Variants in BCL7A observed in about 807,000 individuals in gnomAD.
The protein encoded by BCL7A is BAF chromatin remodeling complex subunit BCL7A.
BCL7A carries 11 observed loss-of-function variants against 28.4 expected under a neutral mutation model. That is an observed-to-expected ratio of 0.39 (90% confidence interval 0.24 to 0.64). The LOEUF is 0.64. Among genes scored for constraint, BCL7A ranks in the 30% least tolerant of loss-of-function variants. The pLI is 0.50. For missense variants in BCL7A, 222 were observed against 274.8 expected, an observed-to-expected ratio of 0.81 and a Z score of 1.36; for synonymous variants, 123 against 103.3, an observed-to-expected ratio of 1.19 and a Z score of -1.15.
rs34244407 is a variant in BCL7A, at chr12:122,051,866, C to CTTTTTTTT, written c.440-2921_440-2914dup. ...ACAATAACATGATTTCTCTCTCTCT[C>CTTTTTTTT]TTTTTTTTTTTTTTTTTTTTTTTTT... On this transcript the variant is annotated intron_variant, in intron 4 of 5. Coordinates refer to ENST00000261822, the MANE Select transcript of BCL7A (RefSeq NM_001024808.3). Among the ~76,000 whole-genome samples, 8 of 80,304 alleles carry CTTTTTTTT rather than the reference C, an allele frequency of 1.0e-4. 1 individual carries two copies. Among genetic ancestry groups the CTTTTTTTT allele is most frequent in the Non-Finnish European group, 1.1e-4 (5 of 45,138 alleles). 52.7% of individuals were successfully genotyped at this position (80,304 alleles called of 152,430 possible). A position where few individuals can be genotyped will look rare whatever the true frequency, so the allele number is the denominator to read the frequency against.
chr12:122,047,899 C>CTTT (rs776109345), intron 4 of BCL7A, among the ~76,000 whole-genome samples: 50 of 101,010 alleles, frequency 4.9e-4, no homozygotes, highest in East Asian at 8.9e-4. Context: ...CTGGAGAAGG[C>CTTT]TTTTTTTTTT....
intron 4 of BCL7A, among the ~76,000 whole-genome samples, chr12:122,049,035 AATAT>A (rs1159174556): frequency 2.9e-3 from 172 of 58,356 alleles, no homozygotes; most frequent in African/African-American, 0.012. Context: ...AAAAAAAAAA[AATAT>A]ATATATATAT....
At chr12:122,025,254 T>G (rs1001778337) in intron 1 of BCL7A, among the ~76,000 whole-genome samples, 1 of 150,614 alleles carries the variant, frequency 6.6e-6, no homozygotes, top group Admixed American at 6.6e-5. Flanking sequence ...TCCCAGAGCT[T>G]TGGGAGGCTG....
rs1951915414 is a variant in BCL7A, at chr12:122,060,877, G to A, written c.*1714G>A. On this transcript the variant is annotated 3_prime_UTR_variant, in exon 6 of 6. Coordinates refer to ENST00000261822, the MANE Select transcript of BCL7A (RefSeq NM_001024808.3). ...GAATTTCAAATACCTCATGCAAAAT[G>A]TCTCCTGAAATAAGGGAAAAAAAAA... 1 of 219,918 alleles carries A rather than the reference G, an allele frequency of 4.5e-6. No individual in the cohort carries two copies. Among genetic ancestry groups the A allele is most frequent in the Admixed American group, 5.9e-5 (1 of 17,004 alleles). The allele number at this position is 219,918 out of a possible 1,614,324, so 13.6% of individuals were successfully genotyped here.
intron 1 of BCL7A, among the ~76,000 whole-genome samples, chr12:122,028,134 T>G (rs949323901): frequency 5.9e-5 from 9 of 152,152 alleles, no homozygotes; most frequent in South Asian, 2.1e-4. Flanking sequence ...GTAGAATTCT[T>G]AATGTTCTTG....
intron 2 of BCL7A, 105 bp downstream of exon 2, chr12:122,030,886 A>T: frequency 7.6e-6 from 9 of 1,184,126 alleles, no homozygotes; most frequent in Non-Finnish European, 1.1e-5. Context: ...GGGCTCTGGG[A>T]CCAAGAGCCC....
At chr12:122,054,475 G>A (rs1416330998) in intron 4 of BCL7A, among the ~76,000 whole-genome samples, 2 of 152,224 alleles carry the variant, frequency 1.3e-5, no homozygotes, top group African/African-American at 4.8e-5. Flanking sequence ...AGCCATGATT[G>A]TTGGTGCGCA....
At chr12:122,039,542 T>A (rs1883927685) in intron 3 of BCL7A, among the ~76,000 whole-genome samples, 1 of 143,248 alleles carries the variant, frequency 7.0e-6, no homozygotes, top group South Asian at 2.1e-4. Flanking sequence ...ATATAATATA[T>A]AATATAATTA....
At chr12:122,048,516 C>A (rs910779642) in intron 4 of BCL7A, among the ~76,000 whole-genome samples, 3 of 151,866 alleles carry the variant, frequency 2.0e-5, no homozygotes, top group African/African-American at 7.3e-5. Context: ...TTTGGGAGGT[C>A]GAGGTGGGTG....
chr12:122,035,169 T>C (rs1052511903), intron 2 of BCL7A, among the ~76,000 whole-genome samples, 162 bp from the exon 3 acceptor site: 4 of 152,142 alleles, frequency 2.6e-5, no homozygotes, highest in African/African-American at 9.7e-5. Context: ...CAGTCCCTAA[T>C]AGGACGTGTT....
Position 122,059,044 on chromosome 12 carries a change from G to A in BCL7A, c.562-48G>A, listed in dbSNP as rs769471249. 3 of 1,511,176 alleles carry A rather than the reference G, an allele frequency of 2.0e-6. No homozygotes were observed. The highest frequency in any genetic ancestry group is 1.1e-5 in the South Asian group (1 of 88,842). The allele number at this position is 1,511,176 out of a possible 1,614,324, so 93.6% of individuals were successfully genotyped here. On this transcript the variant is annotated intron_variant, in intron 5 of 5. Transcript: ENST00000261822. This position sits in a 1 kb window ranked among gnomAD's most constrained non-coding sequence, Gnocchi z 4.0. ...TTCGGCCTCACGCCTGGCCTAACTT[G>A]CTCTCCTGGCCCATTAACCTGTGTT...
At chr12:122,023,621 T>C (rs1883531059) in intron 1 of BCL7A, among the ~76,000 whole-genome samples, 1 of 152,274 alleles carries the variant, frequency 6.6e-6, no homozygotes, top group African/African-American at 2.4e-5. Context: ...GGACAAAGAA[T>C]TTTCAGAACC....
At chr12:122,058,823 G>A (rs1238103775) in intron 5 of BCL7A, among the ~76,000 whole-genome samples, 6 of 152,148 alleles carry the variant, frequency 3.9e-5, no homozygotes, top group East Asian at 3.9e-4. Flanking sequence ...AAATGCTCCC[G>A]AGTTACCAGC....
At chr12:122,047,184 G>C (rs896716069) in intron 4 of BCL7A, among the ~76,000 whole-genome samples, 4 of 151,854 alleles carry the variant, frequency 2.6e-5, no homozygotes, top group African/African-American at 9.7e-5. Flanking sequence ...TTACAGGTGT[G>C]AACCACCACG....
intron 4 of BCL7A, among the ~76,000 whole-genome samples, chr12:122,044,542 G>A (rs1884032367): frequency 6.6e-6 from 1 of 151,446 alleles, no homozygotes; most frequent in Non-Finnish European, 1.5e-5. Context: ...CAAACAATTG[G>A]CCAGGCATGG....
chr12:122,052,994 TTTG>T (rs1400099242), intron 4 of BCL7A, among the ~76,000 whole-genome samples: 4 of 149,348 alleles, frequency 2.7e-5, no homozygotes, highest in Admixed American at 2.0e-4. Flanking sequence ...CTAGCCTGTT[TTTG>T]TTGTTGTTGT....
At chr12:122,022,429 G>A (rs996302089) in intron 1 of BCL7A, among the ~76,000 whole-genome samples, 1 of 144,750 alleles carries the variant, frequency 6.9e-6, no homozygotes, top group Non-Finnish European at 1.5e-5. Flanking sequence ...CGGCGGCCCG[G>A]AGGCGGCGGG....
chr12:122,044,830 T>C (rs1245898509), intron 4 of BCL7A, among the ~76,000 whole-genome samples: 1 of 151,974 alleles, frequency 6.6e-6, no homozygotes, highest in Non-Finnish European at 1.5e-5. Context: ...TGGCTCAAAA[T>C]ATAATTATAT....
intron 1 of BCL7A, among the ~76,000 whole-genome samples, chr12:122,025,317 C>G (rs1371125211): frequency 6.8e-6 from 1 of 147,874 alleles, no homozygotes; most frequent in East Asian, 2.0e-4. Flanking sequence ...GGGTCTCAAA[C>G]CAAAAAAAAA....
Sources: gnomAD v4.1 joint callset for allele counts (sites outside exome capture counted in the v4.1 genomes callset) on GRCh38, gnomAD v4.1.1 for gene constraint, Gnocchi (gnomAD v3.1) non-coding constraint, MANE v1.5 for transcripts, NCBI Gene and HGNC (gene_info 2026-07-23, HGNC 2026-07-21) for gene names.